ERG: variants seen among roughly 807,000 people sequenced by gnomAD.
The protein encoded by ERG is ETS transcription factor ERG.
A neutral mutation model predicts 55.3 loss-of-function variants in ERG; 9 were observed. The observed-to-expected ratio is 0.16, with a 90% CI of 0.10 to 0.28. ERG has a LOEUF of 0.28. ERG is among the 10% of genes least tolerant of loss of function. ERG has a pLI of 1.00. For missense variants in ERG, 434 were observed against 631.6 expected, an observed-to-expected ratio of 0.69 and a Z score of 3.35; for synonymous variants, 223 against 237.3, an observed-to-expected ratio of 0.94 and a Z score of 0.55.
rs571721655 is a variant in ERG at position 38,595,289 on chromosome 21, G to T, written c.-149-10344C>A. On this transcript the variant is annotated intron_variant, in intron 1 of 10. Transcript: ENST00000398910. ...GAGGCAGAGAGGCCAGTTCCAGGAT[G>T]GCTGCCACGATCCAGCCCAAGGTAA... Among the ~76,000 whole-genome samples the T allele has an allele frequency of 1.6e-4, 25 of 152,322 alleles. No homozygotes were observed. The East Asian group carries it at 4.6e-3, about 28-fold the overall frequency.
chr21:38,440,386 G>GCGCCACTCC (rs2058829190), intron 2 of ERG, among the ~76,000 whole-genome samples: 1 of 152,216 alleles, frequency 6.6e-6, no homozygotes, highest in Admixed American at 6.5e-5. Context: ...GGCAGAATCT[G>GCGCCACTCC]CGTCTCCGTG....
intron 1 of ERG, among the ~76,000 whole-genome samples, chr21:38,605,255 C>T (rs889595066): frequency 2.0e-5 from 3 of 152,100 alleles, no homozygotes; most frequent in Non-Finnish European, 4.4e-5. Flanking sequence ...ACCATTGTCA[C>T]GGGGTCACAA....
At chr21:38,631,441 T>G (rs909767841) in intron 1 of ERG, among the ~76,000 whole-genome samples, 2 of 152,198 alleles carry the variant, frequency 1.3e-5, no homozygotes, top group African/African-American at 2.4e-5. Flanking sequence ...GGGGGAAATT[T>G]TGCTTTTAGT....
chr21:38,600,934 C>T (rs917321677), intron 1 of ERG, among the ~76,000 whole-genome samples: 13 of 152,076 alleles, frequency 8.5e-5, no homozygotes, highest in African/African-American at 2.9e-4. Context: ...ATGCATCTAA[C>T]CCCCCCTGGA....
intron 2 of ERG, among the ~76,000 whole-genome samples, chr21:38,525,434 A>T (rs1044909003): frequency 7.9e-5 from 12 of 152,202 alleles, no homozygotes; most frequent in Non-Finnish European, 1.8e-4. Flanking sequence ...CTGTACATCC[A>T]AAAGCCTGCC....
intron 2 of ERG, among the ~76,000 whole-genome samples, chr21:38,565,895 T>C (rs1034890687): frequency 1.3e-5 from 2 of 152,146 alleles, no homozygotes; most frequent in African/African-American, 4.8e-5. Flanking sequence ...TTCTGAATGA[T>C]TAGATTGAAA....
At chr21:38,422,763 T>C (rs1035665049) in intron 3 of ERG, among the ~76,000 whole-genome samples, 1 of 152,232 alleles carries the variant, frequency 6.6e-6, no homozygotes, top group Non-Finnish European at 1.5e-5. Flanking sequence ...CTCTGGTTAT[T>C]AGAATCTGTA....
At chr21:38,433,173 G>C (rs1573263) in intron 2 of ERG, among the ~76,000 whole-genome samples, 96,484 of 152,108 alleles carry the variant, frequency 0.63, 31,318 homozygotes, top group East Asian at 0.84. Context: ...TGCCCAGCAG[G>C]GTGCATGTTT....
At chr21:38,644,257 A>G (rs2060442945) in intron 1 of ERG, among the ~76,000 whole-genome samples, 1 of 152,200 alleles carries the variant, frequency 6.6e-6, no homozygotes, top group African/African-American at 2.4e-5. Context: ...CACCATGATG[A>G]TATTGTTACT....
intron 2 of ERG, among the ~76,000 whole-genome samples, chr21:38,507,329 G>A (rs934916278): frequency 1.3e-4 from 20 of 152,188 alleles, no homozygotes; most frequent in African/African-American, 4.6e-4. Context: ...CGGTGACCCC[G>A]ATGCGTCATT....
chr21:38,624,304 A>G (rs959750956), intron 1 of ERG, among the ~76,000 whole-genome samples: 2 of 151,384 alleles, frequency 1.3e-5, no homozygotes, highest in Non-Finnish European at 2.9e-5. Flanking sequence ...TGGGTGGGGG[A>G]CAAGGGGAGG....
At chr21:38,498,912 T>C (rs2059401010), upstream of ERG, among the ~76,000 whole-genome samples, 1 of 152,226 alleles carries the variant, frequency 6.6e-6, no homozygotes, top group South Asian at 2.1e-4. This position sits in a 1 kb window ranked among gnomAD's most constrained non-coding sequence, Gnocchi z 4.6. Flanking sequence ...AAGGAAACTT[T>C]GCAGGTGGAG....
At chr21:38,625,992 G>A (rs1279748756) in intron 1 of ERG, among the ~76,000 whole-genome samples, 39 of 141,552 alleles carry the variant, frequency 2.8e-4, no homozygotes, top group Non-Finnish European at 3.0e-5. Flanking sequence ...GCGTGATCTC[G>A]GCTCACTACA....
At chr21:38,606,217 C>T (rs8130668) in intron 1 of ERG, among the ~76,000 whole-genome samples, 10,856 of 151,806 alleles carry the variant, frequency 0.072, 692 homozygotes, top group African/African-American at 0.17. Context: ...AGATGATACA[C>T]AGAAGATAGG....
upstream of ERG, among the ~76,000 whole-genome samples, chr21:38,587,592 G>A (rs1318664094): frequency 1.3e-5 from 2 of 152,116 alleles, no homozygotes; most frequent in Admixed American, 6.5e-5. Context: ...TCCTGACCTC[G>A]TGATCCACCC....
intron 3 of ERG, among the ~76,000 whole-genome samples, chr21:38,415,636 C>T (rs1041541575): frequency 7.9e-5 from 12 of 152,120 alleles, no homozygotes; most frequent in Admixed American, 6.5e-4. Context: ...AGACACAAGT[C>T]ATTTCACCAG....
chr21:38,458,699 T>A (rs1179003588), intron 1 of ERG, among the ~76,000 whole-genome samples: 1 of 152,200 alleles, frequency 6.6e-6, no homozygotes, highest in Non-Finnish European at 1.5e-5. Context: ...GCAAGAGTCG[T>A]GTGTTGGTCT....
chr21:38,478,789 T>A (rs1454994699), intron 1 of ERG, among the ~76,000 whole-genome samples: 1 of 152,220 alleles, frequency 6.6e-6, no homozygotes, highest in East Asian at 1.9e-4. Flanking sequence ...GTTTTATGAG[T>A]TCAGTCTTAG....
chr21:38,376,316 C>G (rs976169099), downstream of ERG, among the ~76,000 whole-genome samples: 1 of 152,166 alleles, frequency 6.6e-6, no homozygotes, highest in South Asian at 2.1e-4. Flanking sequence ...GCCTGTTGTT[C>G]GTTTCTCGCT....
Sources: allele counts gnomAD v4.1 joint callset (sites outside exome capture counted in the v4.1 genomes callset), GRCh38; gene constraint gnomAD v4.1.1; non-coding constraint Gnocchi (gnomAD v3.1); transcripts MANE v1.5; gene names NCBI Gene and HGNC (gene_info 2026-07-23, HGNC 2026-07-21).